The following DIAPH2 variants were observed in gnomAD, a reference collection of about 807,000 sequenced individuals.
DIAPH2 encodes diaphanous related formin 2.
A neutral mutation model predicts 92.7 loss-of-function variants in DIAPH2; 35 were observed. The ratio of observed to expected loss-of-function variants is 0.38; its 90% CI spans 0.29 to 0.50. The LOEUF is 0.50. Ranked by LOEUF, DIAPH2 falls within the 20% of genes least tolerant of loss-of-function variation. The pLI, the probability that DIAPH2 is intolerant of heterozygous loss-of-function variation, is 0.94. For synonymous variants in DIAPH2, 301 were observed against 280.4 expected (o/e 1.07, Z -0.73); for missense variants, 701 against 819.5 (o/e 0.86, Z 1.77).
chrX:96,691,846 T>C (rs73250713), intron 1 of DIAPH2, among the ~76,000 whole-genome samples: 6,836 of 111,606 alleles, frequency 0.061, 232 homozygotes, highest in Middle Eastern at 0.16. Flanking sequence ...TCCAACACTT[T>C]ATTAGGAAGG....
In DIAPH2 at chrX:97,299,837, ATAGT is replaced by A. The variant is rs751958300; in HGVS notation, c.2845-48276_2845-48273del. Among the ~76,000 whole-genome samples, 6 of 112,444 alleles carry A rather than the reference ATAGT, an allele frequency of 5.3e-5. No individual in the cohort carries two copies. The East Asian group carries it at 1.7e-3, about 31-fold the overall frequency. On this transcript the variant is annotated intron_variant, in intron 23 of 26. Transcript: ENST00000324765. ...AGAATCTGCATAATAAATGCCATTT[ATAGT>A]TAATTTATTCTATATGTCATATATT... is the stretch of plus-strand genomic sequence containing the variant.
intron 17 of DIAPH2, among the ~76,000 whole-genome samples, chrX:97,004,653 T>C (rs1327816215): frequency 8.9e-6 from 1 of 112,176 alleles, no homozygotes; most frequent in Non-Finnish European, 1.9e-5. Flanking sequence ...CTGTTGATTT[T>C]GTGTCCTGCA....
At position 97,433,549 on chromosome X, in the gene DIAPH2, A is replaced by G. The variant is rs181186194; in HGVS notation, c.3241+3804A>G. On this transcript the variant is annotated intron_variant, in intron 26 of 26. Coordinates refer to ENST00000324765, the MANE Select transcript of DIAPH2 (RefSeq NM_006729.5). ...AAAAAAAGAAAATATTAACTGGTGT[A>G]TCACAGGCCCCAGATAGTCGAAATG... Among the ~76,000 whole-genome samples the G allele has an allele frequency of 7.1e-4, 79 of 111,738 alleles. No individual in the cohort carries two copies. In the East Asian group the frequency reaches 0.021, roughly 30 times the overall value.
At chrX:97,573,991 A>C (rs938775932) in intron 26 of DIAPH2, among the ~76,000 whole-genome samples, 3 of 111,837 alleles carry the variant, frequency 2.7e-5, no homozygotes, top group Admixed American at 9.5e-5. Flanking sequence ...TTGAAGTAGA[A>C]AGTAGCAATT....
At chrX:96,772,361 C>G (rs1229306260) in intron 4 of DIAPH2, among the ~76,000 whole-genome samples, 1 of 111,862 alleles carries the variant, frequency 8.9e-6, no homozygotes, top group Admixed American at 9.5e-5. Context: ...TCTCCAAATT[C>G]TTGGAGGCTA....
intron 9 of DIAPH2, among the ~76,000 whole-genome samples, chrX:96,930,457 G>C (rs2065612002): frequency 9.0e-6 from 1 of 110,878 alleles, no homozygotes; most frequent in Non-Finnish European, 1.9e-5. Flanking sequence ...TTTGCAATTT[G>C]GGTTTTTCAG....
intron 4 of DIAPH2, among the ~76,000 whole-genome samples, chrX:96,825,354 C>CT (rs57788752): frequency 0.014 from 1,130 of 82,489 alleles, 10 homozygotes; most frequent in African/African-American, 0.024. Context: ...CATGTGTTTT[C>CT]TTTTTTTTTT....
At chrX:97,339,273 G>A (rs964834497) in intron 23 of DIAPH2, among the ~76,000 whole-genome samples, 2 of 111,025 alleles carry the variant, frequency 1.8e-5, no homozygotes, top group Non-Finnish European at 3.8e-5. Flanking sequence ...AGCACTGAGA[G>A]GCCTGGGTGG....
intron 23 of DIAPH2, among the ~76,000 whole-genome samples, chrX:97,279,879 T>G (rs776707666): frequency 5.2e-4 from 58 of 111,397 alleles, no homozygotes; most frequent in African/African-American, 1.9e-3. Flanking sequence ...GGTGAGAGAG[T>G]TAGCTTTCCT....
At chrX:96,888,282 A>G (rs1021441196) in intron 5 of DIAPH2, among the ~76,000 whole-genome samples, 17 of 108,183 alleles carry the variant, frequency 1.6e-4, no homozygotes, top group African/African-American at 5.7e-4. Context: ...GCTGGTCTCA[A>G]ACTCCTGACC....
chrX:96,888,630 G>GAT (rs1185567649), intron 5 of DIAPH2, among the ~76,000 whole-genome samples: 33 of 93,140 alleles, frequency 3.5e-4, no homozygotes, highest in African/African-American at 1.2e-3. Flanking sequence ...TATATACACA[G>GAT]ATATATATAT....
At chrX:97,023,041 C>T (rs1243401192) in intron 17 of DIAPH2, among the ~76,000 whole-genome samples, 1 of 111,456 alleles carries the variant, frequency 9.0e-6, no homozygotes, top group Non-Finnish European at 1.9e-5. Context: ...AGAGTGAAAC[C>T]CTGTTTCTTT....
intron 1 of DIAPH2, among the ~76,000 whole-genome samples, chrX:96,689,324 G>C (rs761494352): frequency 6.9e-5 from 7 of 101,849 alleles, no homozygotes; most frequent in Non-Finnish European, 9.9e-5. Flanking sequence ...CCATTAAAGA[G>C]ATTAAGGCGG....
chrX:97,077,539 A>C (rs2066713458), intron 19 of DIAPH2, among the ~76,000 whole-genome samples: 1 of 112,169 alleles, frequency 8.9e-6, no homozygotes, highest in Non-Finnish European at 1.9e-5. Flanking sequence ...CAAAAACAAC[A>C]AACAACAATT....
intron 12 of DIAPH2, among the ~76,000 whole-genome samples, chrX:96,941,244 T>G (rs1292541929): frequency 8.9e-6 from 1 of 111,944 alleles, no homozygotes; most frequent in East Asian, 2.8e-4. Context: ...TTCTTACTAC[T>G]GATTTTTCTC....
chrX:96,975,050 T>C (rs962048871), intron 17 of DIAPH2, among the ~76,000 whole-genome samples: 7 of 111,601 alleles, frequency 6.3e-5, no homozygotes, highest in Non-Finnish European at 1.3e-4. Context: ...TATATTTCTA[T>C]AGTGAAATTT....
intron 4 of DIAPH2, among the ~76,000 whole-genome samples, chrX:96,817,330 A>G (rs1011168460): frequency 4.5e-5 from 5 of 110,958 alleles, no homozygotes; most frequent in Admixed American, 3.9e-4. Context: ...ACCATATCTC[A>G]TGTAGCTCAT....
chrX:97,213,268 A>G (rs2067855820), intron 22 of DIAPH2, among the ~76,000 whole-genome samples: 1 of 111,979 alleles, frequency 8.9e-6, no homozygotes, highest in Non-Finnish European at 1.9e-5. Flanking sequence ...AGTTGAAAAC[A>G]TAGATCCCAT....
intron 22 of DIAPH2, among the ~76,000 whole-genome samples, chrX:97,167,956 A>C (rs1602387820): frequency 8.9e-6 from 1 of 111,928 alleles, no homozygotes; most frequent in Non-Finnish European, 1.9e-5. Context: ...AGTTATTGAA[A>C]TATTACAGAT....
Sources: gnomAD v4.1 joint callset for allele counts (sites outside exome capture counted in the v4.1 genomes callset) on GRCh38, gnomAD v4.1.1 for gene constraint, MANE v1.5 for transcripts, NCBI Gene and HGNC (gene_info 2026-07-23, HGNC 2026-07-21) for gene names.